Variants in ADAM12 observed in about 807,000 individuals in gnomAD.
ADAM12 encodes disintegrin and metalloproteinase domain-containing protein 12.
Under a neutral mutation model 106.4 loss-of-function variants are expected in ADAM12, and 70 were observed. That is an observed-to-expected ratio of 0.66 (90% CI 0.54 to 0.80). The LOEUF (loss-of-function observed/expected upper bound fraction) is 0.80. ADAM12 is among the 30% of genes least tolerant of loss of function. The pLI is 0.00. For synonymous variants in ADAM12, 420 were observed against 433.5 expected (o/e 0.97, Z 0.39); for missense variants, 1,010 against 1,171.9 (o/e 0.86, Z 2.02).
intron 3 of ADAM12, among the ~76,000 whole-genome samples, chr10:126,229,823 C>G (rs868769193): frequency 4.6e-5 from 7 of 152,110 alleles, no homozygotes; most frequent in African/African-American, 1.7e-4. Flanking sequence ...AGTAAATGCT[C>G]GAAGGCATGA....
intron 3 of ADAM12, among the ~76,000 whole-genome samples, chr10:126,189,138 G>A (rs971270206): frequency 2.0e-5 from 3 of 152,182 alleles, no homozygotes; most frequent in Non-Finnish European, 2.9e-5. Context: ...AGGAGCCCTG[G>A]ACTTAAGGAA....
At position 126,036,160 on chromosome 10, in the gene ADAM12, G is replaced by A; in HGVS notation, c.2515C>T (p.Leu839Phe). 1 of 1,487,952 alleles carries A rather than the reference G, an allele frequency of 6.7e-7. No homozygotes were observed. Among genetic ancestry groups the A allele is most frequent in the Non-Finnish European group, 8.9e-7 (1 of 1,123,400 alleles). 92.2% of individuals were successfully genotyped at this position (1,487,952 alleles called of 1,614,324 possible). ...TGAAAGCATACCTGGGCCTGCCTAA[G>A]TGCAGGCTTGGCTGGCAGGGGTCTG... The part of the protein sequence containing the change: ...PARPLPAKPA[L>F]RQAQGTCKPN... Residue 839 changes from leucine (L) to phenylalanine (F), a missense_variant, in exon 21 of 23, where the codon CTT (leucine) becomes TTT (phenylalanine). Physicochemically the swap from Leu to Phe is conservative, Grantham distance 22. Around this residue, in one of 3 missense-constraint regions of ADAM12, gnomAD observed 615 missense variants for 708.5 expected, o/e 0.87. Transcript: ENST00000448723.
At chr10:126,281,637 G>A (rs896824173) in intron 2 of ADAM12, among the ~76,000 whole-genome samples, 4 of 152,146 alleles carry the variant, frequency 2.6e-5, no homozygotes, top group African/African-American at 9.7e-5. Context: ...AATTGCCTTA[G>A]ACTTCTTAAA....
chr10:126,122,552 A>C (rs1590448516), intron 5 of ADAM12, among the ~76,000 whole-genome samples: 1 of 152,316 alleles, frequency 6.6e-6, no homozygotes, highest in East Asian at 1.9e-4. Context: ...ACCTGTGGTC[A>C]GGAGTTCAAG....
At chr10:126,026,637 C>T (rs1269129662) in intron 21 of ADAM12, among the ~76,000 whole-genome samples, 2 of 152,118 alleles carry the variant, frequency 1.3e-5, no homozygotes, top group African/African-American at 4.8e-5. Flanking sequence ...CCACACAACT[C>T]CATGGAACCT....
At chr10:126,026,133 A>G (rs999585289) in intron 21 of ADAM12, among the ~76,000 whole-genome samples, 2 of 152,228 alleles carry the variant, frequency 1.3e-5, no homozygotes, top group African/African-American at 4.8e-5. Context: ...GGCTCAAAAC[A>G]AAGGGATGGA....
At chr10:126,193,919 A>G (rs113703367) in intron 3 of ADAM12, among the ~76,000 whole-genome samples, 2 of 122,066 alleles carry the variant, frequency 1.6e-5, no homozygotes, top group East Asian at 4.5e-4. Flanking sequence ...AAAATAAAAT[A>G]AAATAAAATA....
chr10:126,038,272 A>T lies in ADAM12; in HGVS notation c.2318T>A (p.Met773Lys), dbSNP rs758972637. The T allele has an allele frequency of 6.8e-6, 11 of 1,612,054 alleles. No homozygotes were observed. Among genetic ancestry groups the T allele is most frequent in the Non-Finnish European group, 9.3e-6 (11 of 1,179,388 alleles). ...TGGGTAGGAATCTGGCGGCTTCCTC[A>T]TCAGGCCTTTTCCAAGGTGGCCGAG... ...AHLGHLGKGL[M>K]RKPPDSYPPK... Residue 773 changes from methionine to lysine, a missense_variant, in exon 20 of 23, where the codon ATG (methionine) becomes AAG (lysine). Physicochemically the swap from Met to Lys is moderately conservative, Grantham distance 95. This residue lies in a region of ADAM12 where 615 missense variants were observed against 708.5 expected (regional missense o/e 0.87). Transcript: ENST00000448723.
chr10:126,210,879 A>G (rs1957888920), intron 3 of ADAM12, among the ~76,000 whole-genome samples: 1 of 152,224 alleles, frequency 6.6e-6, no homozygotes, highest in African/African-American at 2.4e-5. Flanking sequence ...TACGAGGGTC[A>G]TTTATGGGTG....
At chr10:126,280,685 A>G (rs1037092283) in intron 2 of ADAM12, among the ~76,000 whole-genome samples, 1 of 152,112 alleles carries the variant, frequency 6.6e-6, no homozygotes, top group Admixed American at 6.5e-5. Flanking sequence ...AGCTTCAAGG[A>G]GGTTCTTTCT....
At position 126,043,496 on chromosome 10, in the gene ADAM12, C is replaced by G. The variant is rs563269430; in HGVS notation, c.1996-348G>C. Among the ~76,000 whole-genome samples, 3 of 152,296 alleles carry G rather than the reference C, an allele frequency of 2.0e-5. No individual in the cohort carries two copies. The highest frequency in any genetic ancestry group is 4.8e-5 in the African/African-American group (2 of 41,580). ...GTCTGACCATGAGGAGAAGCCCCCT[C>G]AGCAGTGAGGAGGGACCGTGCTTTG... On this transcript the variant is annotated intron_variant, in intron 17 of 22. Coordinates refer to ENST00000448723, the MANE Select transcript of ADAM12 (RefSeq NM_001288973.2). This position sits in a 1 kb window ranked among gnomAD's most constrained non-coding sequence, Gnocchi z 4.1.
At chr10:126,368,660 T>G (rs867923436) in intron 1 of ADAM12, among the ~76,000 whole-genome samples, 30 of 98,436 alleles carry the variant, frequency 3.0e-4, no homozygotes, top group African/African-American at 4.6e-4. Flanking sequence ...GTTGTTGTTG[T>G]TTTTTTTTGC....
intron 3 of ADAM12, among the ~76,000 whole-genome samples, chr10:126,231,924 C>T (rs1958320158): frequency 6.6e-6 from 1 of 151,556 alleles, no homozygotes; most frequent in African/African-American, 2.4e-5. Context: ...ACTGTTCTTT[C>T]TCAGCCTGAA....
At chr10:126,081,398 CA>C (rs1196777620) in intron 11 of ADAM12, among the ~76,000 whole-genome samples, 1 of 152,036 alleles carries the variant, frequency 6.6e-6, no homozygotes, top group Admixed American at 6.6e-5. Flanking sequence ...CAAAACAAAA[CA>C]AAAAACAACC....
intron 5 of ADAM12, 97 bp from the exon 6 acceptor site, chr10:126,118,321 GA>G: frequency 1.2e-6 from 1 of 838,652 alleles, no homozygotes; most frequent in Non-Finnish European, 1.8e-6. Flanking sequence ...AATGAAAACA[GA>G]AACACCAATT....
intron 5 of ADAM12, among the ~76,000 whole-genome samples, chr10:126,124,956 T>C (rs1007170625): frequency 8.3e-5 from 12 of 144,434 alleles, no homozygotes; most frequent in African/African-American, 3.1e-4. Flanking sequence ...ACATCAATAA[T>C]AATAATAGCA....
intron 3 of ADAM12, among the ~76,000 whole-genome samples, chr10:126,261,051 A>C (rs1383743090): frequency 6.6e-6 from 1 of 152,238 alleles, no homozygotes; most frequent in Non-Finnish European, 1.5e-5. Context: ...ACATTGTATT[A>C]GGTATTATAA....
At chr10:126,290,909 T>C (rs1445154456) in intron 2 of ADAM12, among the ~76,000 whole-genome samples, 1 of 152,196 alleles carries the variant, frequency 6.6e-6, no homozygotes, top group East Asian at 1.9e-4. Context: ...GCACAAAATA[T>C]GTGAATGTAC....
chr10:126,161,004 C>A (rs1434462490), intron 3 of ADAM12, among the ~76,000 whole-genome samples: 2 of 152,216 alleles, frequency 1.3e-5, no homozygotes, highest in Non-Finnish European at 2.9e-5. Context: ...AGGGTCCTTT[C>A]CTGATCTCTT....
Sources: allele counts gnomAD v4.1 joint callset (sites outside exome capture counted in the v4.1 genomes callset), GRCh38; gene constraint gnomAD v4.1.1; regional missense constraint gnomAD v4.1.1; non-coding constraint Gnocchi (gnomAD v3.1); transcripts MANE v1.5; gene names NCBI Gene and HGNC (gene_info 2026-07-23, HGNC 2026-07-21).